Variants in MEGF11 observed in about 807,000 individuals in gnomAD.
MEGF11 encodes multiple epidermal growth factor-like domains protein 11.
A neutral mutation model predicts 146.6 loss-of-function variants in MEGF11; 126 were observed. The observed-to-expected ratio is 0.86, with a 90% CI of 0.74 to 1.00. MEGF11 has a LOEUF of 1.00. Among genes scored for constraint, MEGF11 ranks in the 50% least tolerant of loss-of-function variants. MEGF11 has a pLI of 0.00. For missense variants in MEGF11, 1,509 were observed against 1,521.2 expected (o/e 0.99, Z 0.13); for synonymous variants, 532 against 583.4 (o/e 0.91, Z 1.27).
At chr15:66,020,622 T>A (rs2083077072) in intron 5 of MEGF11, among the ~76,000 whole-genome samples, 1 of 152,194 alleles carries the variant, frequency 6.6e-6, no homozygotes. Context: ...GGGGAAAGAC[T>A]GGCATTAGGT....
intron 10 of MEGF11, among the ~76,000 whole-genome samples, chr15:65,933,634 A>G (rs1460111838): frequency 6.6e-6 from 1 of 152,166 alleles, no homozygotes; most frequent in Non-Finnish European, 1.5e-5. Flanking sequence ...CAGAGAAGAA[A>G]AGGGAGACTC....
chr15:66,062,018 C>T (rs1221668895), intron 5 of MEGF11, among the ~76,000 whole-genome samples: 1 of 152,226 alleles, frequency 6.6e-6, no homozygotes, highest in Non-Finnish European at 1.5e-5. Flanking sequence ...CCTTGGCCTC[C>T]CAAAAGTGCT....
chr15:66,182,129 C>T (rs1424496560), intron 1 of MEGF11, among the ~76,000 whole-genome samples: 1 of 152,186 alleles, frequency 6.6e-6, no homozygotes, highest in Non-Finnish European at 1.5e-5. Flanking sequence ...AGGACAACAG[C>T]AGGTGGAATA....
chr15:66,182,270 C>T (rs992477732), intron 1 of MEGF11, among the ~76,000 whole-genome samples: 1 of 152,196 alleles, frequency 6.6e-6, no homozygotes, highest in East Asian at 1.9e-4. Context: ...AAGGAAGTAA[C>T]TTTTCCTGCC....
chr15:66,056,255 GAA>G (rs1302184969), intron 5 of MEGF11, among the ~76,000 whole-genome samples: 15 of 150,952 alleles, frequency 9.9e-5, no homozygotes, highest in Non-Finnish European at 1.9e-4. Flanking sequence ...GGCCTGGAGA[GAA>G]GAGGGAGGGG....
At chr15:66,009,871 G>A (rs746939938) in intron 5 of MEGF11, among the ~76,000 whole-genome samples, 22 of 152,146 alleles carry the variant, frequency 1.4e-4, no homozygotes, top group Admixed American at 5.9e-4. Context: ...TGGGATTACA[G>A]GCGTGAGCCA....
chr15:65,955,820 T>A (rs1213260546), intron 10 of MEGF11, among the ~76,000 whole-genome samples: 10 of 2,088 alleles, frequency 4.8e-3, no homozygotes, highest in Non-Finnish European at 0.012. Context: ...ACACAATACT[T>A]TAAATATATA....
At chr15:66,002,035 C>T (rs1049197458) in intron 5 of MEGF11, among the ~76,000 whole-genome samples, 9 of 152,000 alleles carry the variant, frequency 5.9e-5, no homozygotes, top group Non-Finnish European at 1.3e-4. Context: ...AATGGAATCC[C>T]CTCCCCTCAC....
intron 1 of MEGF11, among the ~76,000 whole-genome samples, chr15:66,190,876 A>G (rs1567278128): frequency 6.6e-6 from 1 of 152,220 alleles, no homozygotes; most frequent in Non-Finnish European, 1.5e-5. Flanking sequence ...AGTTCAAAAA[A>G]GACCCCAACT....
chr15:66,126,613 G>T (rs1282840429), intron 2 of MEGF11, among the ~76,000 whole-genome samples: 1 of 152,226 alleles, frequency 6.6e-6, no homozygotes, highest in Non-Finnish European at 1.5e-5. Context: ...TCTGGATAGA[G>T]CCACTAGGGC....
intron 10 of MEGF11, 137 bp downstream of exon 10, chr15:65,957,410 C>T (rs2080691850): frequency 2.5e-6 from 2 of 793,976 alleles, no homozygotes; most frequent in Non-Finnish European, 4.0e-6. Context: ...CAGGGGCTCT[C>T]CCCTCATGAA....
At position 66,022,674 on chromosome 15, in the gene MEGF11, A is replaced by T. The variant is rs191665146; in HGVS notation, c.395-40186T>A. 7.2e-3 allele frequency among the ~76,000 whole-genome samples: 1,097 copies of T among 152,132 alleles called. 3 individuals are homozygous for T. The highest frequency in any genetic ancestry group is 9.2e-3 in the Non-Finnish European group (626 of 68,006). On this transcript the variant is annotated intron_variant, in intron 5 of 25. Transcript: ENST00000395614. ...ATCCTATCTCCACAAAAAATTTTTT[A>T]AAAAATTAGCTGAGGCGTGGTGGCG...
chr15:66,249,532 T>G (rs1423393500), intron 1 of MEGF11, among the ~76,000 whole-genome samples: 4 of 152,194 alleles, frequency 2.6e-5, no homozygotes, highest in Admixed American at 2.6e-4. Context: ...GTGTATGTGC[T>G]GATGAAGATA....
intron 1 of MEGF11, among the ~76,000 whole-genome samples, chr15:66,151,201 A>G (rs992914972): frequency 3.9e-5 from 6 of 152,160 alleles, no homozygotes; most frequent in African/African-American, 1.4e-4. Context: ...AAAGCCACAA[A>G]GCCCTGACCA....
intron 1 of MEGF11, among the ~76,000 whole-genome samples, chr15:66,212,459 C>G (rs1178392125): frequency 6.6e-6 from 1 of 152,106 alleles, no homozygotes; most frequent in Non-Finnish European, 1.5e-5. Context: ...CTACCCTAGG[C>G]CTCTAAGAAA....
intron 1 of MEGF11, among the ~76,000 whole-genome samples, chr15:66,137,418 C>T (rs2088937702): frequency 6.6e-6 from 1 of 152,182 alleles, no homozygotes; most frequent in South Asian, 2.1e-4. Context: ...ACATTATGAT[C>T]ACATTTATAT....
intron 16 of MEGF11, 79 bp from the exon 17 acceptor site, chr15:65,917,035 T>G: frequency 8.0e-6 from 11 of 1,369,058 alleles, no homozygotes; most frequent in Non-Finnish European, 1.1e-5. Flanking sequence ...GGGGAGTACA[T>G]GTCAGAGCCA....
intron 5 of MEGF11, among the ~76,000 whole-genome samples, chr15:65,995,106 G>A (rs79955167): frequency 0.058 from 8,864 of 152,216 alleles, 306 homozygotes; most frequent in African/African-American, 0.065. Context: ...AAGGAGGAAC[G>A]GGATTCTGAT....
At chr15:65,962,727 G>A (rs780264110) in intron 9 of MEGF11, among the ~76,000 whole-genome samples, 1 of 152,144 alleles carries the variant, frequency 6.6e-6, no homozygotes, top group African/African-American at 2.4e-5. Context: ...TGCAGGCACC[G>A]TGCAATGCTG....
Sources: gnomAD v4.1 joint callset for allele counts (sites outside exome capture counted in the v4.1 genomes callset) on GRCh38, gnomAD v4.1.1 for gene constraint, MANE v1.5 for transcripts, NCBI Gene and HGNC (gene_info 2026-07-23, HGNC 2026-07-21) for gene names.